The following MEIKIN variants were observed in gnomAD, a reference collection of about 807,000 sequenced individuals.
MEIKIN encodes the protein meiotic kinetochore factor.
intron 9 of MEIKIN, among the ~76,000 whole-genome samples, chr5:131,867,741 T>G (rs1275524794): frequency 7.9e-5 from 12 of 152,230 alleles, no homozygotes; most frequent in Admixed American, 7.8e-4. Context: ...TTCCATTGTC[T>G]GGATATACCA....
At chr5:131,886,827 T>C (rs1212153051) in intron 8 of MEIKIN, among the ~76,000 whole-genome samples, 1 of 152,108 alleles carries the variant, frequency 6.6e-6, no homozygotes, top group Non-Finnish European at 1.5e-5. Flanking sequence ...TTTATTATAC[T>C]TTAAGTTCTA....
chr5:131,873,094 C>T (rs190269839), intron 9 of MEIKIN, among the ~76,000 whole-genome samples: 4,392 of 151,370 alleles, frequency 0.029, 82 homozygotes, highest in Non-Finnish European at 0.039. Context: ...CATCAACTAA[C>T]GAGCAAAATA....
intron 8 of MEIKIN, among the ~76,000 whole-genome samples, chr5:131,910,071 T>C (rs1044857054): frequency 2.6e-5 from 4 of 152,028 alleles, no homozygotes; most frequent in African/African-American, 7.3e-5. Flanking sequence ...CTGCTGAGTA[T>C]ATACGCAAAC....
At chr5:131,852,789 A>G (rs942244020) in intron 10 of MEIKIN, among the ~76,000 whole-genome samples, 2 of 152,186 alleles carry the variant, frequency 1.3e-5, no homozygotes, top group African/African-American at 4.8e-5. Flanking sequence ...ACTTTAGTAT[A>G]CTGAGTTTTA....
intron 9 of MEIKIN, among the ~76,000 whole-genome samples, chr5:131,870,167 A>G (rs1750460886): frequency 6.6e-6 from 1 of 152,114 alleles, no homozygotes; most frequent in Non-Finnish European, 1.5e-5. Context: ...TCAAAACATC[A>G]CATGTACCCC....
chr5:131,925,412 T>C (rs1738657079), intron 5 of MEIKIN, among the ~76,000 whole-genome samples: 1 of 152,212 alleles, frequency 6.6e-6, no homozygotes, highest in African/African-American at 2.4e-5. Flanking sequence ...CTCATAAACA[T>C]GGGATGTGCA....
In MEIKIN at chr5:131,807,120, A is replaced by T. The variant is rs531158296; in HGVS notation, c.*116T>A. 1.1e-4 allele frequency: 43 copies of T among 397,052 alleles called. No individual in the cohort carries two copies. Among genetic ancestry groups the T allele is most frequent in the Non-Finnish European group, 1.6e-4 (37 of 225,376 alleles). The allele number at this position is 397,052 out of a possible 1,614,324, so 24.6% of individuals were successfully genotyped here. On this transcript the variant is annotated 3_prime_UTR_variant, in exon 13 of 13. Transcript: ENST00000442687. ...TCAACATAGAGATATATCACAAATA[A>T]CTGGAGAATTTTTAATTTTTAATTT...
At chr5:131,940,826 C>A (rs1561761225) in intron 4 of MEIKIN, among the ~76,000 whole-genome samples, 1 of 152,162 alleles carries the variant, frequency 6.6e-6, no homozygotes, top group South Asian at 2.1e-4. Context: ...GAGAGCCATA[C>A]TAACTTTATT....
At chr5:131,874,229 C>CA (rs748728209) in intron 9 of MEIKIN, among the ~76,000 whole-genome samples, 149 of 152,118 alleles carry the variant, frequency 9.8e-4, no homozygotes, top group Non-Finnish European at 1.5e-3. Context: ...AAAAGATCAA[C>CA]AAAATTGACA....
intron 8 of MEIKIN, among the ~76,000 whole-genome samples, chr5:131,880,264 A>ATTTTT (rs67579794): frequency 3.6e-5 from 5 of 138,328 alleles, no homozygotes; most frequent in Non-Finnish European, 4.7e-5. Context: ...TAATTTTTGT[A>ATTTTT]TTTTTTTTTT....
chr5:131,868,639 C>T (rs1029753537), intron 9 of MEIKIN, among the ~76,000 whole-genome samples: 14 of 150,766 alleles, frequency 9.3e-5, no homozygotes, highest in Non-Finnish European at 1.5e-4. Context: ...GAGGTGTGGT[C>T]AGGGCTCACT....
At chr5:131,895,224 T>A (rs375025099) in intron 8 of MEIKIN, among the ~76,000 whole-genome samples, 1 of 152,298 alleles carries the variant, frequency 6.6e-6, no homozygotes, top group African/African-American at 2.4e-5. Context: ...AGCCTTGCAT[T>A]TCAGGGATGA....
intron 5 of MEIKIN, among the ~76,000 whole-genome samples, chr5:131,928,490 ATAACT>A (rs1462586139): frequency 2.6e-5 from 4 of 152,298 alleles, no homozygotes; most frequent in African/African-American, 9.6e-5. Flanking sequence ...GTCTAAGCTG[ATAACT>A]TAATTTCAAT....
chr5:131,877,018 G>T (rs1298592662), intron 9 of MEIKIN, among the ~76,000 whole-genome samples: 1 of 138,038 alleles, frequency 7.2e-6, no homozygotes, highest in African/African-American at 2.6e-5. Context: ...AGGGGGCGAG[G>T]GATAGCATTA....
intron 7 of MEIKIN, among the ~76,000 whole-genome samples, chr5:131,913,432 G>A (rs572969594): frequency 2.0e-5 from 3 of 152,244 alleles, no homozygotes; most frequent in South Asian, 2.1e-4. Context: ...TAGACCTTCC[G>A]GGTATGAGTC....
At chr5:131,930,173 C>T (rs1300257030) in intron 5 of MEIKIN, among the ~76,000 whole-genome samples, 1 of 152,190 alleles carries the variant, frequency 6.6e-6, no homozygotes. Context: ...TCCCTTTTCT[C>T]TACAATCTCA....
chr5:131,834,667 T>C (rs1312895197), intron 11 of MEIKIN, among the ~76,000 whole-genome samples: 3 of 152,356 alleles, frequency 2.0e-5, no homozygotes, highest in Middle Eastern at 3.4e-3. Flanking sequence ...TAATAGCTGA[T>C]TGGCAAATGT....
At chr5:131,912,440 T>C (rs1348611473) in intron 7 of MEIKIN, among the ~76,000 whole-genome samples, 1 of 152,048 alleles carries the variant, frequency 6.6e-6, no homozygotes, top group Non-Finnish European at 1.5e-5. Flanking sequence ...CCCCCAGTTC[T>C]ATCTAAATGT....
chr5:131,887,299 A>T (rs1222830209), intron 8 of MEIKIN, among the ~76,000 whole-genome samples: 1 of 152,112 alleles, frequency 6.6e-6, no homozygotes, highest in African/African-American at 2.4e-5. Context: ...CATATTGTTT[A>T]TATGTGTGCA....
Sources: allele counts gnomAD v4.1 joint callset (sites outside exome capture counted in the v4.1 genomes callset), GRCh38; gene constraint gnomAD v4.1.1; transcripts MANE v1.5; gene names NCBI Gene and HGNC (gene_info 2026-07-23, HGNC 2026-07-21).